C1QTNF3: variants seen among roughly 807,000 people sequenced by gnomAD.
C1QTNF3 encodes complement C1q tumor necrosis factor-related protein 3.
C1QTNF3 carries 26 observed loss-of-function variants against 32.6 expected under a neutral mutation model. The ratio of observed to expected loss-of-function variants is 0.80; its 90% confidence interval spans 0.58 to 1.11. The LOEUF (loss-of-function observed/expected upper bound fraction) is 1.11. Ranked by LOEUF, C1QTNF3 falls within the 50% of genes least tolerant of loss-of-function variation. C1QTNF3 has a pLI of 0.00. For missense variants in C1QTNF3, 362 were observed against 398.2 expected (o/e 0.91, Z 0.77); for synonymous variants, 155 against 146.0 (o/e 1.06, Z -0.44).
At chr5:34,120,851 G>A in the C1QTNF3 span, among the ~76,000 whole-genome samples, 1 of 152,146 alleles carries the variant, frequency 6.6e-6, no homozygotes, top group African/African-American at 2.4e-5. Flanking sequence ...CATGAAAACA[G>A]ACTAATACAA....
chr5:34,136,861 A>G, the C1QTNF3 span, among the ~76,000 whole-genome samples: 1 of 152,220 alleles, frequency 6.6e-6, no homozygotes, highest in African/African-American at 2.4e-5. Flanking sequence ...GACATGGATG[A>G]AGCTGGAAGC....
the C1QTNF3 span, among the ~76,000 whole-genome samples, chr5:34,156,234 G>A: frequency 6.6e-5 from 10 of 151,928 alleles, no homozygotes; most frequent in Non-Finnish European, 1.3e-4. Flanking sequence ...CCAAGCCCAG[G>A]TAATTTGTGT....
chr5:34,060,538 A>T, the C1QTNF3 span, among the ~76,000 whole-genome samples: 3 of 152,310 alleles, frequency 2.0e-5, no homozygotes, highest in East Asian at 1.9e-4. Context: ...CTTACCCAAG[A>T]CTGGGGGCAA....
the C1QTNF3 span, among the ~76,000 whole-genome samples, chr5:34,105,335 G>A: frequency 6.6e-6 from 1 of 151,924 alleles, no homozygotes; most frequent in Admixed American, 6.6e-5. Flanking sequence ...TTGGAGCTCC[G>A]AATATTTAAC....
the C1QTNF3 span, among the ~76,000 whole-genome samples, chr5:34,157,131 G>A: frequency 6.6e-6 from 1 of 152,056 alleles, no homozygotes; most frequent in Non-Finnish European, 1.5e-5. Context: ...AGGACTTTCG[G>A]CAAATTTCAT....
chr5:34,026,456 C>CA (rs11335593), intron 4 of C1QTNF3, among the ~76,000 whole-genome samples: 2,555 of 92,544 alleles, frequency 0.028, 62 homozygotes, highest in Admixed American at 0.087. Context: ...AATCTGCCAG[C>CA]AAAAAAAAAA....
At chr5:34,119,875 C>A in the C1QTNF3 span, among the ~76,000 whole-genome samples, 1 of 152,126 alleles carries the variant, frequency 6.6e-6, no homozygotes, top group Non-Finnish European at 1.5e-5. Context: ...TTTTTAAACG[C>A]CAAATTCCAT....
chr5:34,200,854 T>C, the C1QTNF3 span: 4 of 152,082 alleles, frequency 2.6e-5, no homozygotes, highest in African/African-American at 7.2e-5. Context: ...TGGATTGTTA[T>C]TGCAAATCCA....
chr5:34,103,545 G>A, the C1QTNF3 span, among the ~76,000 whole-genome samples: 7 of 145,176 alleles, frequency 4.8e-5, no homozygotes, highest in Middle Eastern at 0.01. Context: ...TAGTCTGGAC[G>A]CGGTGGCTCA....
the C1QTNF3 span, among the ~76,000 whole-genome samples, chr5:34,153,868 A>C: frequency 6.0e-5 from 9 of 149,912 alleles, no homozygotes; most frequent in East Asian, 1.9e-4. Flanking sequence ...AAAAAAAAAA[A>C]AAAAAAACAA....
the C1QTNF3 span, among the ~76,000 whole-genome samples, chr5:34,103,647 G>T: frequency 8.0e-6 from 1 of 124,422 alleles, no homozygotes; most frequent in East Asian, 2.1e-4. Context: ...GTGAAACCTC[G>T]TCTCTATTAA....
the C1QTNF3 span, among the ~76,000 whole-genome samples, chr5:34,231,357 C>A: frequency 6.6e-6 from 1 of 152,076 alleles, no homozygotes; most frequent in Non-Finnish European, 1.5e-5. Flanking sequence ...ACTCCAGGTG[C>A]TCATTTAAAT....
the C1QTNF3 span, among the ~76,000 whole-genome samples, chr5:34,215,518 C>A: frequency 6.6e-6 from 1 of 152,170 alleles, no homozygotes; most frequent in Non-Finnish European, 1.5e-5. Context: ...TGCTGCTGAA[C>A]CCCATTTAGG....
At chr5:34,195,735 G>T in the C1QTNF3 span, among the ~76,000 whole-genome samples, 6 of 151,842 alleles carry the variant, frequency 4.0e-5, no homozygotes, top group Non-Finnish European at 7.4e-5. Context: ...AGCTACTGAG[G>T]AGGCTGACGC....
the C1QTNF3 span, among the ~76,000 whole-genome samples, chr5:34,177,480 C>CTTTTT: frequency 5.6e-4 from 47 of 84,640 alleles, no homozygotes; most frequent in Non-Finnish European, 7.3e-4. Context: ...CCATACCCAA[C>CTTTTT]TTTTTTTTTT....
At chr5:34,059,244 A>G in the C1QTNF3 span, among the ~76,000 whole-genome samples, 5 of 152,056 alleles carry the variant, frequency 3.3e-5, no homozygotes, top group South Asian at 2.1e-4. Flanking sequence ...GAGTCCCTAC[A>G]TGGTCGTCCA....
chr5:34,041,956 A>G (rs150652963), intron 1 of C1QTNF3, among the ~76,000 whole-genome samples: 68 of 150,922 alleles, frequency 4.5e-4, no homozygotes, highest in African/African-American at 1.6e-3. Flanking sequence ...ATGTTCAAAT[A>G]TCATATAACT....
chr5:34,197,964 G>C, the C1QTNF3 span, among the ~76,000 whole-genome samples: 2 of 150,754 alleles, frequency 1.3e-5, no homozygotes, highest in Non-Finnish European at 1.5e-5. Context: ...GGCTGGGCAC[G>C]GTGGCTCACA....
the C1QTNF3 span, chr5:34,244,720 C>T: frequency 6.6e-6 from 1 of 152,044 alleles, no homozygotes; most frequent in Admixed American, 6.5e-5. Flanking sequence ...CTGGCTTTGC[C>T]TAGTGCATCC....
Sources: allele counts gnomAD v4.1 joint callset (sites outside exome capture counted in the v4.1 genomes callset), GRCh38; gene constraint gnomAD v4.1.1; transcripts MANE v1.5; gene names NCBI Gene and HGNC (gene_info 2026-07-23, HGNC 2026-07-21).